Variants in ZNF385D observed in about 807,000 individuals in gnomAD.
ZNF385D encodes the protein zinc finger protein 385D.
In ZNF385D, 15 loss-of-function variants were observed where a neutral mutation model predicts 35.8. The observed-to-expected ratio is 0.42, with a 90% CI of 0.28 to 0.64. The LOEUF is 0.64. Ranked by LOEUF, ZNF385D falls within the 30% of genes least tolerant of loss-of-function variation. The pLI is 0.23. For missense variants in ZNF385D, 474 were observed against 494.6 expected, an observed-to-expected ratio of 0.96 and a Z score of 0.39; for synonymous variants, 212 against 186.8, an observed-to-expected ratio of 1.13 and a Z score of -1.10.
rs545730279 is a variant in ZNF385D at position 21,583,026 on chromosome 3, A to AAAGT, written c.166-18346_166-18343dup. Among the ~76,000 whole-genome samples the AAAGT allele has an allele frequency of 1.4e-4, 22 of 152,290 alleles. No homozygotes were observed. The East Asian group carries it at 1.9e-3, about 13-fold the overall frequency. On this transcript the variant is annotated intron_variant, in intron 2 of 7. Transcript: ENST00000281523. ...CGTGATCTGCCCTCCTCGGCCTCCC[A>AAAGT]AAGTGCTGGGATTACAGGCATGAGC...
chr3:21,451,429 G>T (rs368065699), intron 4 of ZNF385D, among the ~76,000 whole-genome samples: 9 of 152,028 alleles, frequency 5.9e-5, no homozygotes, highest in Admixed American at 2.0e-4. Context: ...CACTCAAAAT[G>T]AGATAAAGAC....
chr3:22,294,350 T>A (rs1371250017), intron 2 of ZNF385D, among the ~76,000 whole-genome samples: 2 of 152,066 alleles, frequency 1.3e-5, no homozygotes, highest in African/African-American at 4.8e-5. Flanking sequence ...TTTAGTGCTA[T>A]TTTTCCTCAT....
At chr3:21,843,712 T>C (rs1695822366) in intron 3 of ZNF385D, among the ~76,000 whole-genome samples, 1 of 151,952 alleles carries the variant, frequency 6.6e-6, no homozygotes, top group South Asian at 2.1e-4. Context: ...ATCAAGTCAT[T>C]ACCAATTTTG....
chr3:21,558,914 G>A (rs1395418936), intron 3 of ZNF385D, among the ~76,000 whole-genome samples: 1 of 150,446 alleles, frequency 6.6e-6, no homozygotes, highest in Non-Finnish European at 1.5e-5. Flanking sequence ...TTGCCATTAT[G>A]TAATGTCCTT....
intron 3 of ZNF385D, among the ~76,000 whole-genome samples, chr3:21,890,295 A>G (rs898908183): frequency 2.6e-5 from 4 of 152,200 alleles, no homozygotes; most frequent in Non-Finnish European, 5.9e-5. Flanking sequence ...AGTGGGAAAG[A>G]AAGAATGATG....
At chr3:22,161,647 G>T (rs1343385090) in intron 3 of ZNF385D, among the ~76,000 whole-genome samples, 1 of 152,006 alleles carries the variant, frequency 6.6e-6, no homozygotes, top group Non-Finnish European at 1.5e-5. Context: ...AACAGAAAAA[G>T]ATACATTTCT....
intron 2 of ZNF385D, among the ~76,000 whole-genome samples, chr3:22,309,702 C>T (rs575779369): frequency 6.6e-6 from 1 of 152,024 alleles, no homozygotes; most frequent in South Asian, 2.1e-4. Context: ...GAATTATGTC[C>T]TGTTTTTGGT....
chr3:21,561,417 G>T (rs2062941046), intron 3 of ZNF385D, among the ~76,000 whole-genome samples: 9 of 152,196 alleles, frequency 5.9e-5, no homozygotes, highest in Admixed American at 5.2e-4. Flanking sequence ...CCAACCCCTT[G>T]TGCTTCCCAG....
At chr3:22,329,994 C>G (rs892524389) in intron 2 of ZNF385D, among the ~76,000 whole-genome samples, 25 of 152,264 alleles carry the variant, frequency 1.6e-4, no homozygotes, top group Middle Eastern at 3.4e-3. Flanking sequence ...AGGTTATAAA[C>G]CCTAAAACTA....
chr3:21,832,492 C>A (rs1404035602), intron 3 of ZNF385D, among the ~76,000 whole-genome samples: 2 of 152,166 alleles, frequency 1.3e-5, no homozygotes, highest in East Asian at 1.9e-4. Flanking sequence ...AAAGCAGGTG[C>A]TTCCTCATGA....
intron 3 of ZNF385D, among the ~76,000 whole-genome samples, chr3:22,043,744 TCTAA>T (rs1316754342): frequency 3.3e-5 from 5 of 150,526 alleles, no homozygotes; most frequent in Non-Finnish European, 7.4e-5. Context: ...GAGATTTGCT[TCTAA>T]CTAATACAAT....
chr3:22,166,536 T>C (rs1045076216), intron 3 of ZNF385D, among the ~76,000 whole-genome samples: 1 of 152,138 alleles, frequency 6.6e-6, no homozygotes, highest in African/African-American at 2.4e-5. Context: ...GATGTTATCC[T>C]CAATGTCCAC....
chr3:21,551,744 G>C (rs1170320098), intron 3 of ZNF385D, among the ~76,000 whole-genome samples: 1 of 151,898 alleles, frequency 6.6e-6, no homozygotes, highest in Non-Finnish European at 1.5e-5. Flanking sequence ...AATGTCAGGA[G>C]ATTTGTCAGG....
chr3:21,419,890 C>T lies in ZNF385D; in HGVS notation c.*1324G>A, dbSNP rs2125236256. The T allele has an allele frequency of 6.6e-6, 1 of 151,990 alleles. No individual in the cohort carries two copies. Among genetic ancestry groups the T allele is most frequent in the African/African-American group, 2.4e-5 (1 of 41,484 alleles). 9.4% of individuals were successfully genotyped at this position (151,990 alleles called of 1,614,324 possible). Reference sequence around the variant, plus strand: ...ATATTTATATATACCCCTGATAAATCTTGTTTTAAAGGTAAAACATCAACT... The same window carrying T: ...ATATTTATATATACCCCTGATAAATTTTGTTTTAAAGGTAAAACATCAACT... On this transcript the variant is annotated 3_prime_UTR_variant, in exon 8 of 8. Transcript: ENST00000281523.
chr3:21,417,684 G>C lies in ZNF385D; in HGVS notation c.*3530C>G, dbSNP rs1033100919. 1.3e-5 allele frequency: 2 copies of C among 152,030 alleles called. No homozygotes were observed. Among genetic ancestry groups the C allele is most frequent in the African/African-American group, 4.8e-5 (2 of 41,416 alleles). The allele number at this position is 152,030 out of a possible 1,614,324, so 9.4% of individuals were successfully genotyped here. A position where few individuals can be genotyped will look rare whatever the true frequency, so the allele number is the denominator to read the frequency against. ...AAACTCAAATAGGCACAGCCTCTTT[G>C]ATTCTATTTTGAAACTTCTGCTGTC... On this transcript the variant is annotated 3_prime_UTR_variant, in exon 8 of 8. Transcript: ENST00000281523.
intron 3 of ZNF385D, among the ~76,000 whole-genome samples, chr3:21,761,608 C>A (rs1021396748): frequency 7.9e-5 from 12 of 152,032 alleles, no homozygotes; most frequent in African/African-American, 2.4e-4. Flanking sequence ...AATACAGTCT[C>A]ATAGGATGGG....
chr3:22,029,949 G>T (rs979078620), intron 3 of ZNF385D, among the ~76,000 whole-genome samples: 1 of 151,960 alleles, frequency 6.6e-6, no homozygotes, highest in Admixed American at 6.6e-5. Flanking sequence ...GTCTGTGAGG[G>T]TGTTGCTGAA....
chr3:22,186,577 A>C (rs138044886), intron 2 of ZNF385D, among the ~76,000 whole-genome samples: 57 of 152,258 alleles, frequency 3.7e-4, no homozygotes, highest in African/African-American at 1.2e-3. Flanking sequence ...CCATCATGCA[A>C]CCTTCTGATT....
intron 2 of ZNF385D, among the ~76,000 whole-genome samples, chr3:22,345,441 C>G (rs757687974): frequency 9.9e-5 from 15 of 152,170 alleles, no homozygotes; most frequent in Non-Finnish European, 1.9e-4. Context: ...CTTCACATTC[C>G]TTTATTAAGC....
Sources: allele counts gnomAD v4.1 joint callset (sites outside exome capture counted in the v4.1 genomes callset), GRCh38; gene constraint gnomAD v4.1.1; transcripts MANE v1.5; gene names NCBI Gene and HGNC (gene_info 2026-07-23, HGNC 2026-07-21).